The following RBFOX3 variants were observed in gnomAD, a reference collection of about 807,000 sequenced individuals.
RBFOX3 encodes RNA binding fox-1 homolog 3.
In RBFOX3, 17 loss-of-function variants were observed where a neutral mutation model predicts 48.7. The observed-to-expected ratio is 0.35, with a 90% CI of 0.24 to 0.52. The LOEUF (loss-of-function observed/expected upper bound fraction) is 0.52, where lower values mean the gene tolerates loss of function less well. Among genes scored for constraint, RBFOX3 ranks in the 20% least tolerant of loss-of-function variants. The pLI is 0.94. For missense variants in RBFOX3, 382 were observed against 497.5 expected, an observed-to-expected ratio of 0.77 and a Z score of 2.21; for synonymous variants, 212 against 209.5, an observed-to-expected ratio of 1.01 and a Z score of -0.10.
At chr17:79,133,760 TGGGATGGCAAGAACA>T (rs1305620572) in intron 4 of RBFOX3, among the ~76,000 whole-genome samples, 1 of 152,180 alleles carries the variant, frequency 6.6e-6, no homozygotes, top group Non-Finnish European at 1.5e-5. Flanking sequence ...TCCTACTCAG[TGGGATGGCAAGAACA>T]TCATCCAGGC....
chr17:79,577,603 G>T (rs1292284777), intron 1 of RBFOX3, among the ~76,000 whole-genome samples: 1 of 152,240 alleles, frequency 6.6e-6, no homozygotes, highest in African/African-American at 2.4e-5. Context: ...AGAAGTTTCT[G>T]CAAGTACAGT....
intron 1 of RBFOX3, among the ~76,000 whole-genome samples, chr17:79,541,106 T>C (rs994654102): frequency 3.2e-4 from 49 of 152,176 alleles, no homozygotes; most frequent in Middle Eastern, 3.4e-3. Flanking sequence ...TAACCAGCTT[T>C]AAATTGAATC....
chr17:79,486,175 G>A (rs2079562658), intron 1 of RBFOX3, among the ~76,000 whole-genome samples: 2 of 152,228 alleles, frequency 1.3e-5, no homozygotes, highest in South Asian at 2.1e-4. Flanking sequence ...AGCCCGGCAG[G>A]GTTGGGAGCG....
At chr17:79,139,768 C>T (rs998487833) in intron 4 of RBFOX3, among the ~76,000 whole-genome samples, 1 of 152,202 alleles carries the variant, frequency 6.6e-6, no homozygotes, top group African/African-American at 2.4e-5. Context: ...AGGGATCAGC[C>T]AGGAGTGGCT....
intron 1 of RBFOX3, among the ~76,000 whole-genome samples, chr17:79,532,266 T>C (rs1211648803): frequency 6.6e-6 from 1 of 152,050 alleles, no homozygotes; most frequent in African/African-American, 2.4e-5. Flanking sequence ...CTGCAGCTCC[T>C]AAAGGCAGAA....
intron 1 of RBFOX3, among the ~76,000 whole-genome samples, chr17:79,534,876 G>A (rs563993543): frequency 6.6e-6 from 1 of 152,160 alleles, no homozygotes; most frequent in African/African-American, 2.4e-5. Flanking sequence ...TCGCCCCCTC[G>A]GAAGTCGGTT....
intron 1 of RBFOX3, among the ~76,000 whole-genome samples, chr17:79,520,585 T>C (rs899548732): frequency 7.9e-5 from 12 of 152,190 alleles, no homozygotes; most frequent in African/African-American, 2.9e-4. Flanking sequence ...CTGCTCTGCC[T>C]CATGCACAGG....
intron 3 of RBFOX3, among the ~76,000 whole-genome samples, chr17:79,268,512 C>A (rs983033717): frequency 1.3e-5 from 2 of 152,172 alleles, no homozygotes; most frequent in Non-Finnish European, 2.9e-5. Context: ...GTCTCTTCTG[C>A]CCTCTGAGCT....
chr17:79,347,314 G>GT (rs1284525179), intron 2 of RBFOX3, among the ~76,000 whole-genome samples: 1 of 152,110 alleles, frequency 6.6e-6, no homozygotes, highest in East Asian at 1.9e-4. Context: ...AAGTGTATAG[G>GT]TTTTGTTTCC....
At chr17:79,579,685 ACCATGGTGGGGAAGTCACT>A in intron 1 of RBFOX3, among the ~76,000 whole-genome samples, 1 of 151,588 alleles carries the variant, frequency 6.6e-6, no homozygotes, top group Non-Finnish European at 1.5e-5. Flanking sequence ...GAGACTCGGC[ACCATGGTGGGGAAGTCACT>A]GGCGCCATGG....
intron 2 of RBFOX3, among the ~76,000 whole-genome samples, chr17:79,308,974 C>G (rs2145624122): frequency 6.6e-6 from 1 of 152,088 alleles, no homozygotes; most frequent in South Asian, 2.1e-4. Context: ...CAAAAGTTAG[C>G]TGAGTGTGGT....
At chr17:79,306,608 T>C (rs903854619) in intron 3 of RBFOX3, among the ~76,000 whole-genome samples, 2 of 152,192 alleles carry the variant, frequency 1.3e-5, no homozygotes, top group African/African-American at 4.8e-5. Context: ...CCGAGGCCAC[T>C]TCCTCCCTTT....
intron 3 of RBFOX3, among the ~76,000 whole-genome samples, chr17:79,303,093 C>T (rs1438264829): frequency 6.6e-6 from 1 of 152,110 alleles, no homozygotes; most frequent in Non-Finnish European, 1.5e-5. Flanking sequence ...CCTGTGGTCC[C>T]AGCTACTTGG....
chr17:79,125,107 T>G (rs2036836581), intron 4 of RBFOX3, among the ~76,000 whole-genome samples: 1 of 152,104 alleles, frequency 6.6e-6, no homozygotes, highest in Non-Finnish European at 1.5e-5. Flanking sequence ...TCTCCAATTA[T>G]CCGGGAATGA....
intron 2 of RBFOX3, among the ~76,000 whole-genome samples, chr17:79,393,338 C>T (rs1030832408): frequency 6.6e-6 from 1 of 152,210 alleles, no homozygotes; most frequent in Non-Finnish European, 1.5e-5. Context: ...TGTTAGAAGA[C>T]AGGAGAGTCG....
At chr17:79,101,459 TG>T in intron 9 of RBFOX3, 124 bp downstream of exon 9, 1 of 854,576 alleles carries the variant, frequency 1.2e-6, no homozygotes, top group Non-Finnish European at 1.9e-6. Context: ...GCCCCAGGGC[TG>T]GGACACTGGG....
intron 1 of RBFOX3, among the ~76,000 whole-genome samples, chr17:79,538,156 C>T (rs181151092): frequency 1.8e-4 from 28 of 152,352 alleles, no homozygotes; most frequent in Non-Finnish European, 3.2e-4. Context: ...AACTTAAAAC[C>T]GACAGAAGAG....
chr17:79,600,507 T>A (rs2093681983), intron 1 of RBFOX3: 1 of 152,228 alleles, frequency 6.6e-6, no homozygotes, highest in African/African-American at 2.4e-5. Flanking sequence ...CCAGATACCA[T>A]GGAGACAAAA....
At chr17:79,221,310 G>T (rs796289069) in intron 4 of RBFOX3, among the ~76,000 whole-genome samples, 3 of 152,378 alleles carry the variant, frequency 2.0e-5, no homozygotes, top group African/African-American at 7.2e-5. Context: ...AGACAAAAGA[G>T]ACTTCTTTCT....
Sources: allele counts gnomAD v4.1 joint callset (sites outside exome capture counted in the v4.1 genomes callset), GRCh38; gene constraint gnomAD v4.1.1; transcripts MANE v1.5; gene names NCBI Gene and HGNC (gene_info 2026-07-23, HGNC 2026-07-21).